Variants in PRKCQ observed in about 807,000 individuals in gnomAD.
PRKCQ encodes the protein protein kinase C theta type.
In PRKCQ, 41 loss-of-function variants were observed where a neutral mutation model predicts 91.2. The ratio of observed to expected loss-of-function variants is 0.45; its 90% CI spans 0.35 to 0.58. PRKCQ has a LOEUF of 0.58. Among genes scored for constraint, PRKCQ ranks in the 20% least tolerant of loss-of-function variants. The probability of loss-of-function intolerance (pLI) is 0.00; values close to 1 mark genes in which losing one functional copy is unlikely to be tolerated. For synonymous variants in PRKCQ, 307 were observed against 316.9 expected (o/e 0.97, Z 0.33); for missense variants, 673 against 896.5 (o/e 0.75, Z 3.18).
At chr10:6,574,141 G>C (rs1464150728) in intron 1 of PRKCQ, among the ~76,000 whole-genome samples, 1 of 152,146 alleles carries the variant, frequency 6.6e-6, no homozygotes, top group African/African-American at 2.4e-5. Context: ...CCAAAGAGCA[G>C]ACCCCTGGCT....
chr10:6,468,793 T>G (rs1835817354), intron 12 of PRKCQ, among the ~76,000 whole-genome samples: 1 of 152,164 alleles, frequency 6.6e-6, no homozygotes, highest in East Asian at 1.9e-4. Context: ...TATCATATGT[T>G]AAGGACACGT....
At chr10:6,486,241 G>A (rs1015915543) in intron 8 of PRKCQ, 97 bp from the exon 9 acceptor site, 5 of 1,013,788 alleles carry the variant, frequency 4.9e-6, no homozygotes, top group South Asian at 1.4e-5. Context: ...CGGATAGGGA[G>A]GAAAGCCTAA....
chr10:6,579,115 G>A (rs1841350934), intron 1 of PRKCQ, among the ~76,000 whole-genome samples: 1 of 152,246 alleles, frequency 6.6e-6, no homozygotes, highest in Non-Finnish European at 1.5e-5. Flanking sequence ...AAAGAGGCCG[G>A]AGTTGACAGA....
At chr10:6,411,242 C>A in the PRKCQ span, among the ~76,000 whole-genome samples, 1 of 152,146 alleles carries the variant, frequency 6.6e-6, no homozygotes, top group Admixed American at 6.5e-5. Context: ...ATAGCCCCTC[C>A]CTTTTATAGT....
Position 6,464,400 on chromosome 10 carries a change from T to A in PRKCQ, c.1358A>T (p.Asn453Ile). The stretch of plus-strand genomic sequence containing the variant: ...GAGGTACTCCATCACAAAAAAGAGG[T>A]TTTCCTGTGGAAAAACAAAACAATT... ...HMFCTFQTKENLFFVMEYLNG... is the reference protein window; with the variant it reads ...HMFCTFQTKEILFFVMEYLNG... Residue 453 changes from asparagine to isoleucine, a missense_variant, in exon 13 of 18, where the codon AAC (asparagine) becomes ATC (isoleucine). Asn to Ile is a moderately radical substitution (Grantham distance 149). Coordinates refer to ENST00000263125, the MANE Select transcript of PRKCQ (RefSeq NM_006257.5). 1 of 1,595,930 alleles carries A rather than the reference T, an allele frequency of 6.3e-7. No homozygotes were observed. Among genetic ancestry groups the A allele is most frequent in the South Asian group, 1.1e-5 (1 of 88,468 alleles).
chr10:6,472,020 G>A (rs766610364), intron 12 of PRKCQ, among the ~76,000 whole-genome samples: 1 of 152,212 alleles, frequency 6.6e-6, no homozygotes, highest in Non-Finnish European at 1.5e-5. Flanking sequence ...AAAAGTGGGC[G>A]TGTAGGGGCC....
intron 15 of PRKCQ, among the ~76,000 whole-genome samples, chr10:6,456,135 G>A (rs898249440): frequency 6.6e-6 from 1 of 152,072 alleles, no homozygotes; most frequent in Admixed American, 6.5e-5. Flanking sequence ...TGACAGCAGT[G>A]TCTTCTTCTT....
intron 15 of PRKCQ, among the ~76,000 whole-genome samples, chr10:6,454,096 T>G (rs1251931132): frequency 2.0e-5 from 3 of 152,190 alleles, no homozygotes; most frequent in Non-Finnish European, 4.4e-5. Context: ...TAATGCAATT[T>G]AGTTATTTTA....
At chr10:6,432,163 G>C (rs1286682882) in intron 16 of PRKCQ, among the ~76,000 whole-genome samples, 1 of 152,134 alleles carries the variant, frequency 6.6e-6, no homozygotes, top group Non-Finnish European at 1.5e-5. Context: ...AAACATGGTG[G>C]AACGCGTGAT....
intron 8 of PRKCQ, 134 bp from the exon 9 acceptor site, chr10:6,486,278 C>T (rs183799904): frequency 3.3e-5 from 23 of 707,114 alleles, no homozygotes; most frequent in African/African-American, 2.7e-4. Context: ...GGAAGTTGAC[C>T]CTGGCTCTCC....
intron 1 of PRKCQ, among the ~76,000 whole-genome samples, chr10:6,529,138 T>C (rs1474381635): frequency 6.6e-6 from 1 of 152,202 alleles, no homozygotes; most frequent in Non-Finnish European, 1.5e-5. Flanking sequence ...TAGAAGTGGC[T>C]GATTGGGATC....
chr10:6,459,533 C>A (rs1835205765), intron 14 of PRKCQ, among the ~76,000 whole-genome samples: 1 of 152,052 alleles, frequency 6.6e-6, no homozygotes, highest in Admixed American at 6.5e-5. Flanking sequence ...GTAGATGTGA[C>A]CTTATTTGGA....
intron 1 of PRKCQ, among the ~76,000 whole-genome samples, chr10:6,568,274 C>CA (rs952282163): frequency 9.2e-5 from 14 of 151,666 alleles, no homozygotes; most frequent in Admixed American, 2.0e-4. Context: ...CCAAAACTAA[C>CA]AAAAAAAATT....
intron 11 of PRKCQ, among the ~76,000 whole-genome samples, chr10:6,482,549 C>G (rs1275096240): frequency 3.3e-5 from 5 of 152,164 alleles, no homozygotes; most frequent in African/African-American, 4.8e-5. Flanking sequence ...CCAGACAACA[C>G]CTTGATGGTG....
chr10:6,486,303 C>T (rs1030040909), intron 8 of PRKCQ, among the ~76,000 whole-genome samples, 159 bp from the exon 9 acceptor site: 10 of 152,230 alleles, frequency 6.6e-5, no homozygotes, highest in African/African-American at 9.6e-5. Context: ...TAGTGATCCT[C>T]GTGCTGGAAG....
chr10:6,514,852 G>A (rs561265164), intron 2 of PRKCQ, among the ~76,000 whole-genome samples, 166 bp downstream of exon 2: 1 of 152,312 alleles, frequency 6.6e-6, no homozygotes, highest in East Asian at 1.9e-4. Context: ...ATCACGAAAT[G>A]TGTGTCCATG....
chr10:6,431,110 C>G (rs143183211), intron 16 of PRKCQ, among the ~76,000 whole-genome samples, 172 bp from the exon 17 acceptor site: 3 of 152,298 alleles, frequency 2.0e-5, no homozygotes, highest in Non-Finnish European at 2.9e-5. Flanking sequence ...CTTGAAGAAG[C>G]CTTTCTAAAT....
chr10:6,414,151 A>G, the PRKCQ span, among the ~76,000 whole-genome samples: 295 of 152,332 alleles, frequency 1.9e-3, 1 homozygote, highest in African/African-American at 6.7e-3. Flanking sequence ...GGTAGAACAG[A>G]GAGTCCAGAG....
chr10:6,407,410 A>G, the PRKCQ span, among the ~76,000 whole-genome samples: 22 of 150,938 alleles, frequency 1.5e-4, 1 homozygote, highest in South Asian at 1.9e-3. The surrounding 1 kb of genome is among the most constrained non-coding windows in gnomAD (Gnocchi z 4.0). Context: ...AGAAGCAAGC[A>G]TGTGGTGTGC....
Sources: allele counts gnomAD v4.1 joint callset (sites outside exome capture counted in the v4.1 genomes callset), GRCh38; gene constraint gnomAD v4.1.1; non-coding constraint Gnocchi (gnomAD v3.1); transcripts MANE v1.5; gene names NCBI Gene and HGNC (gene_info 2026-07-23, HGNC 2026-07-21).